Variants in ARHGAP24 observed in about 807,000 individuals in gnomAD.
ARHGAP24 encodes rho GTPase-activating protein 24.
Under a neutral mutation model 76.4 loss-of-function variants are expected in ARHGAP24, and 50 were observed. The ratio of observed to expected loss-of-function variants is 0.65; its 90% CI spans 0.52 to 0.83. The LOEUF is 0.83. ARHGAP24 is among the 40% of genes least tolerant of loss of function. The pLI, the probability that ARHGAP24 is intolerant of heterozygous loss-of-function variation, is 0.00. For missense variants in ARHGAP24, 930 were observed against 914.2 expected, an observed-to-expected ratio of 1.02 and a Z score of -0.22; for synonymous variants, 345 against 323.3, an observed-to-expected ratio of 1.07 and a Z score of -0.72.
At chr4:85,732,587 A>T (rs1725446596) in intron 3 of ARHGAP24, among the ~76,000 whole-genome samples, 1 of 152,168 alleles carries the variant, frequency 6.6e-6, no homozygotes, top group Non-Finnish European at 1.5e-5. Flanking sequence ...CCTGGCTTTA[A>T]AATGGACCTT....
At chr4:85,784,941 A>G (rs557210215) in intron 3 of ARHGAP24, among the ~76,000 whole-genome samples, 1 of 148,760 alleles carries the variant, frequency 6.7e-6, no homozygotes, top group Non-Finnish European at 1.5e-5. Context: ...CTATCTATCT[A>G]TCTATCTATC....
At chr4:85,778,733 G>A (rs1279144696) in intron 3 of ARHGAP24, 1 of 985,226 alleles carries the variant, frequency 1.0e-6, no homozygotes, top group Admixed American at 6.2e-5. Flanking sequence ...CTAAGTCTGA[G>A]AAGGAGGAGA....
At position 85,723,173 on chromosome 4, in the gene ARHGAP24, G is replaced by A. The variant is rs186115429; in HGVS notation, c.268+1201G>A. The A allele has an allele frequency of 3.3e-5, 5 of 152,310 alleles. No individual in the cohort carries two copies. In the East Asian group the frequency reaches 9.6e-4, roughly 29 times the overall value. 9.4% of individuals were successfully genotyped at this position (152,310 alleles called of 1,614,324 possible). On this transcript the variant is annotated intron_variant, in intron 3 of 9. Coordinates refer to ENST00000395184, the MANE Select transcript of ARHGAP24 (RefSeq NM_001025616.3). ...ATGTTACAAAGTCTTTGAAGTATCAGTAGAGGAAATGTCTTTTCCGATTTA... is the reference window on the plus strand; with the variant it reads ...ATGTTACAAAGTCTTTGAAGTATCAATAGAGGAAATGTCTTTTCCGATTTA...
chr4:85,490,803 G>T (rs1273876567), intron 1 of ARHGAP24, among the ~76,000 whole-genome samples: 1 of 152,006 alleles, frequency 6.6e-6, no homozygotes, highest in African/African-American at 2.4e-5. Flanking sequence ...TTGTTATTTT[G>T]CCCCAAAACA....
intron 3 of ARHGAP24, among the ~76,000 whole-genome samples, chr4:85,835,341 C>T (rs1281849824): frequency 6.6e-6 from 1 of 151,530 alleles, no homozygotes; most frequent in Admixed American, 6.6e-5. Context: ...GGGCGGATCA[C>T]GAGGTCAGGA....
chr4:85,878,967 A>T (rs1733089588), intron 3 of ARHGAP24, among the ~76,000 whole-genome samples: 1 of 152,224 alleles, frequency 6.6e-6, no homozygotes. Flanking sequence ...CACGGGAGTC[A>T]ATCTCCACTG....
intron 1 of ARHGAP24, among the ~76,000 whole-genome samples, chr4:85,509,326 C>G (rs1438783457): frequency 6.6e-6 from 1 of 151,384 alleles, no homozygotes; most frequent in Non-Finnish European, 1.5e-5. Flanking sequence ...GCACATGTAC[C>G]CTAAAACTTA....
chr4:85,709,359 A>G (rs1482085), intron 2 of ARHGAP24, among the ~76,000 whole-genome samples: 68,419 of 152,066 alleles, frequency 0.45, 18,435 homozygotes, highest in Non-Finnish European at 0.62. Context: ...ATAAAATATC[A>G]TATGATTATC....
intron 2 of ARHGAP24, among the ~76,000 whole-genome samples, chr4:85,663,882 G>A (rs1170861922): frequency 6.6e-6 from 1 of 151,278 alleles, no homozygotes; most frequent in Non-Finnish European, 1.5e-5. Context: ...CTTGATCATG[G>A]TGGATAAGCT....
intron 3 of ARHGAP24, among the ~76,000 whole-genome samples, chr4:85,797,827 C>A (rs1728427635): frequency 6.6e-6 from 1 of 152,188 alleles, no homozygotes; most frequent in Non-Finnish European, 1.5e-5. Context: ...CCCAACCCTG[C>A]CCTCCTCAGA....
chr4:85,582,865 G>A (rs922421387), intron 2 of ARHGAP24, among the ~76,000 whole-genome samples: 1 of 152,102 alleles, frequency 6.6e-6, no homozygotes, highest in Admixed American at 6.6e-5. Flanking sequence ...AATTTAAGAA[G>A]CAATATTTGT....
chr4:85,586,335 G>A lies in ARHGAP24; in HGVS notation c.180+15614G>A, dbSNP rs189771278. ...TCATACTTTCTTACCAGAGATCTAC[G>A]AAGCAGCTTTGGCCCAAAGCCTGCA... On this transcript the variant is annotated intron_variant, in intron 2 of 9. Transcript: ENST00000395184. 6.0e-3 allele frequency among the ~76,000 whole-genome samples: 906 copies of A among 152,224 alleles called. 3 individuals carry two copies. Among genetic ancestry groups the A allele is most frequent in the Non-Finnish European group, 8.4e-3 (570 of 68,016 alleles).
At position 85,896,486 on chromosome 4, in the gene ARHGAP24, C is replaced by A. The variant is rs139955163; in HGVS notation, c.269-27162C>A. Reference sequence around the variant, plus strand: ...CTCTTCTTATAGTGTCGTAGAATTTCTTTGTAGAAGTGGCTAATGGGTAGA... The same window carrying A: ...CTCTTCTTATAGTGTCGTAGAATTTATTTGTAGAAGTGGCTAATGGGTAGA... On this transcript the variant is annotated intron_variant, in intron 3 of 9. Coordinates refer to ENST00000395184, the MANE Select transcript of ARHGAP24 (RefSeq NM_001025616.3). 2.4e-4 allele frequency among the ~76,000 whole-genome samples: 36 copies of A among 152,284 alleles called. No homozygotes were observed. The East Asian group carries it at 5.8e-3, about 24-fold the overall frequency.
At chr4:85,781,585 A>AGGCGCGGTGGCTCACGCCTGTAATCCC (rs1166306823) in intron 3 of ARHGAP24, among the ~76,000 whole-genome samples, 1 of 141,022 alleles carries the variant, frequency 7.1e-6, no homozygotes, top group Non-Finnish European at 1.5e-5. Flanking sequence ...AAAAAAATAC[A>AGGCGCGGTGGCTCACGCCTGTAATCCC]AGTTTCACCT....
chr4:85,956,191 A>C (rs569832859), intron 5 of ARHGAP24, among the ~76,000 whole-genome samples: 133 of 152,298 alleles, frequency 8.7e-4, no homozygotes, highest in African/African-American at 3.1e-3. Context: ...TGTGTGTGTA[A>C]ATGGTAAACT....
intron 1 of ARHGAP24, among the ~76,000 whole-genome samples, chr4:85,482,950 A>G (rs1320307665): frequency 6.6e-6 from 1 of 152,196 alleles, no homozygotes; most frequent in Non-Finnish European, 1.5e-5. Context: ...TTAGACCTAC[A>G]TTCTAACCTG....
chr4:85,988,618 T>A lies in ARHGAP24; in HGVS notation c.929-5965T>A, dbSNP rs182077279. On this transcript the variant is annotated intron_variant, in intron 8 of 9. Coordinates refer to ENST00000395184, the MANE Select transcript of ARHGAP24 (RefSeq NM_001025616.3). ...ATGTTATATAATAATAAACTTTTTT[T>A]AAAAAAAAGGACATAAAAAAATAAA... Among the ~76,000 whole-genome samples the A allele has an allele frequency of 3.6e-3, 549 of 150,682 alleles. 4 individuals carry two copies. The highest frequency in any genetic ancestry group is 0.036 in the East Asian group (184 of 5,140).
chr4:85,649,559 A>C (rs1192544588), intron 2 of ARHGAP24, among the ~76,000 whole-genome samples: 1 of 152,150 alleles, frequency 6.6e-6, no homozygotes, highest in Non-Finnish European at 1.5e-5. Flanking sequence ...CTGGATAAAC[A>C]GATTGATTTA....
chr4:85,626,975 G>A lies in ARHGAP24; in HGVS notation c.180+56254G>A, dbSNP rs150447293. 4.0e-3 allele frequency among the ~76,000 whole-genome samples: 615 copies of A among 152,118 alleles called. 4 individuals are homozygous for A. Among genetic ancestry groups the A allele is most frequent in the African/African-American group, 0.013 (531 of 41,498 alleles). ...CATTGGTTATTCTAGTTATCCATTC[G>A]TCTAATTTTTTTCAAAGCTTTTAAC... On this transcript the variant is annotated intron_variant, in intron 2 of 9. Coordinates refer to ENST00000395184, the MANE Select transcript of ARHGAP24 (RefSeq NM_001025616.3).
Sources: allele counts gnomAD v4.1 joint callset (sites outside exome capture counted in the v4.1 genomes callset), GRCh38; gene constraint gnomAD v4.1.1; transcripts MANE v1.5; gene names NCBI Gene and HGNC (gene_info 2026-07-23, HGNC 2026-07-21).